The following NBEA variants were observed in gnomAD, a reference collection of about 807,000 sequenced individuals.
The protein encoded by NBEA is neurobeachin.
Under a neutral mutation model 343.4 loss-of-function variants are expected in NBEA, and 44 were observed. That is an observed-to-expected ratio of 0.13 (90% CI 0.10 to 0.16). The LOEUF (loss-of-function observed/expected upper bound fraction) is 0.16, where lower values mean the gene tolerates loss of function less well. NBEA is among the 10% of genes least tolerant of loss of function. The probability of loss-of-function intolerance (pLI) is 1.00; values close to 1 mark genes in which losing one functional copy is unlikely to be tolerated. For missense variants in NBEA, 2,555 were observed against 3,631.3 expected, an observed-to-expected ratio of 0.70 and a Z score of 7.62; for synonymous variants, 1,175 against 1,238.7, an observed-to-expected ratio of 0.95 and a Z score of 1.08.
chr13:35,256,076 G>A (rs1226500277), intron 34 of NBEA, among the ~76,000 whole-genome samples: 1 of 152,112 alleles, frequency 6.6e-6, no homozygotes, highest in Non-Finnish European at 1.5e-5. Flanking sequence ...CCTCAGCAGA[G>A]AGGAGACCCA....
chr13:35,025,083 A>T (rs1422831319), intron 1 of NBEA, among the ~76,000 whole-genome samples: 1 of 152,132 alleles, frequency 6.6e-6, no homozygotes, highest in Non-Finnish European at 1.5e-5. Flanking sequence ...GACTTTTTGT[A>T]GGATGCATAG....
rs962195821 is a variant in NBEA, at chr13:35,218,589, A to C, written c.5648+7410A>C. On this transcript the variant is annotated intron_variant, in intron 33 of 58. Transcript: ENST00000379939. ...ATTCTTTTTAAATTCTTCATCTCAG[A>C]TGAAAAACATTGAACATTTATCATT... 1.1e-4 allele frequency among the ~76,000 whole-genome samples: 16 copies of C among 152,130 alleles called. No individual in the cohort carries two copies. The South Asian group carries it at 3.1e-3, about 30-fold the overall frequency.
At position 35,160,050 on chromosome 13, in the gene NBEA, A is replaced by T; in HGVS notation, c.3861+18A>T. ...CGACACAAGTAAGCTACCTTATATG[A>T]GTTCTAGAAATAAATAAAAATGCAT... On this transcript the variant is annotated intron_variant, in intron 22 of 58. Coordinates refer to ENST00000379939, the MANE Select transcript of NBEA (RefSeq NM_001385012.1). The T allele has an allele frequency of 6.6e-7, 1 of 1,509,032 alleles. No homozygotes were observed. Among genetic ancestry groups the T allele is most frequent in the Non-Finnish European group, 8.8e-7 (1 of 1,134,174 alleles). 93.5% of individuals were successfully genotyped at this position (1,509,032 alleles called of 1,614,324 possible). A position where few individuals can be genotyped will look rare whatever the true frequency, so the allele number is the denominator to read the frequency against.
rs1566597433 is a variant in NBEA, at chr13:35,308,512, G to GTATATATATGTATATA, written c.5839-1015_5839-1014insATATATATGTATATAT. 5.1e-5 allele frequency among the ~76,000 whole-genome samples: 5 copies of GTATATATATGTATATA among 98,532 alleles called. No individual in the cohort carries two copies. In the South Asian group the frequency reaches 1.7e-3, roughly 33 times the overall value. 64.6% of individuals were successfully genotyped at this position (98,532 alleles called of 152,430 possible). A position where few individuals can be genotyped will look rare whatever the true frequency, so the allele number is the denominator to read the frequency against. On this transcript the variant is annotated intron_variant, in intron 35 of 58. Transcript: ENST00000379939. ...TGTATATATATGTGTATATATATAT[G>GTATATATATGTATATA]TGTATATATGTATATATATGTATAT...
intron 53 of NBEA, among the ~76,000 whole-genome samples, chr13:35,652,688 CTTTTTTT>C (rs766315741): frequency 3.0e-5 from 2 of 67,574 alleles, no homozygotes; most frequent in South Asian, 6.5e-4. Flanking sequence ...TTCTGGCAGT[CTTTTTTT>C]TTTTTTTTTT....
intron 40 of NBEA, among the ~76,000 whole-genome samples, chr13:35,466,640 TA>T (rs556648783): frequency 2.9e-3 from 447 of 152,200 alleles, no homozygotes; most frequent in Non-Finnish European, 4.5e-3. Context: ...GCTAATTTTT[TA>T]AATTTTTCAT....
intron 41 of NBEA, among the ~76,000 whole-genome samples, chr13:35,529,352 T>A (rs949364859): frequency 6.6e-6 from 1 of 152,230 alleles, no homozygotes; most frequent in African/African-American, 2.4e-5. Context: ...AGTCTATTTT[T>A]AGAAATCAAA....
chr13:35,164,005 T>C (rs2069789485), intron 23 of NBEA, among the ~76,000 whole-genome samples: 1 of 152,186 alleles, frequency 6.6e-6, no homozygotes, highest in African/African-American at 2.4e-5. Flanking sequence ...AGACATACTT[T>C]TTATATTTAA....
At chr13:35,569,492 A>G (rs1566337244) in intron 45 of NBEA, among the ~76,000 whole-genome samples, 1 of 152,218 alleles carries the variant, frequency 6.6e-6, no homozygotes, top group Non-Finnish European at 1.5e-5. Flanking sequence ...TTTATTTAAA[A>G]TCAACTGGGA....
At chr13:35,175,394 T>G (rs548315556) in intron 27 of NBEA, among the ~76,000 whole-genome samples, 56 of 152,324 alleles carry the variant, frequency 3.7e-4, no homozygotes, top group African/African-American at 1.3e-3. Context: ...CTTAATATAT[T>G]GTCGTGAAAC....
At chr13:35,542,400 A>G (rs977443492) in intron 41 of NBEA, among the ~76,000 whole-genome samples, 1 of 152,068 alleles carries the variant, frequency 6.6e-6, no homozygotes, top group Non-Finnish European at 1.5e-5. Flanking sequence ...ATCAGGATTA[A>G]TTCTTTTCCA....
At chr13:34,995,745 A>C (rs911508286) in intron 1 of NBEA, among the ~76,000 whole-genome samples, 1 of 152,218 alleles carries the variant, frequency 6.6e-6, no homozygotes, top group Non-Finnish European at 1.5e-5. Context: ...GTACACGCTC[A>C]AGTTTCATTC....
chr13:35,178,015 A>G (rs534305542), intron 28 of NBEA, among the ~76,000 whole-genome samples: 1 of 151,858 alleles, frequency 6.6e-6, no homozygotes, highest in South Asian at 2.1e-4. Context: ...AAAATTCCAA[A>G]CATACCAACA....
At chr13:35,289,360 T>C in intron 34 of NBEA, among the ~76,000 whole-genome samples, 1 of 151,874 alleles carries the variant, frequency 6.6e-6, no homozygotes, top group Non-Finnish European at 1.5e-5. Flanking sequence ...AATCTATTTA[T>C]TAAATTAATT....
intron 34 of NBEA, among the ~76,000 whole-genome samples, chr13:35,246,130 GA>G (rs2031151553): frequency 6.6e-6 from 1 of 152,094 alleles, no homozygotes; most frequent in South Asian, 2.1e-4. Context: ...TTTGTTTTCT[GA>G]AGTTGTGATT....
intron 45 of NBEA, among the ~76,000 whole-genome samples, chr13:35,581,928 A>C (rs1245950380): frequency 5.3e-5 from 8 of 151,582 alleles, no homozygotes; most frequent in African/African-American, 4.8e-5. Flanking sequence ...AAATATACTG[A>C]GTTAGAAAAA....
chr13:35,657,964 T>C (rs571151327), intron 55 of NBEA, among the ~76,000 whole-genome samples: 9 of 152,234 alleles, frequency 5.9e-5, no homozygotes, highest in African/African-American at 1.9e-4. Context: ...AGTAATTATC[T>C]ATGTTCACTA....
intron 41 of NBEA, among the ~76,000 whole-genome samples, chr13:35,508,396 A>G (rs1189730902): frequency 6.6e-6 from 1 of 152,224 alleles, no homozygotes; most frequent in Non-Finnish European, 1.5e-5. Context: ...CTATTAAGGT[A>G]TTTCAAGCAG....
chr13:35,362,385 T>C (rs2040857578), intron 38 of NBEA, among the ~76,000 whole-genome samples: 2 of 151,906 alleles, frequency 1.3e-5, no homozygotes, highest in African/African-American at 2.4e-5. Flanking sequence ...AATCCTAAAT[T>C]AAATTTACCA....
Sources: gnomAD v4.1 joint callset for allele counts (sites outside exome capture counted in the v4.1 genomes callset) on GRCh38, gnomAD v4.1.1 for gene constraint, MANE v1.5 for transcripts, NCBI Gene and HGNC (gene_info 2026-07-23, HGNC 2026-07-21) for gene names.